AFF3: variants seen among roughly 807,000 people sequenced by gnomAD.
AFF3 encodes the protein ALF transcription elongation factor 3, also known as AF4/FMR2 family member 3.
A neutral mutation model predicts 129.7 loss-of-function variants in AFF3; 32 were observed. That is an observed-to-expected ratio of 0.25 (90% CI 0.19 to 0.33). AFF3 has a LOEUF of 0.33. Among genes scored for constraint, AFF3 ranks in the 10% least tolerant of loss-of-function variants. The pLI, the probability that AFF3 is intolerant of heterozygous loss-of-function variation, is 1.00. For missense variants in AFF3, 1,373 were observed against 1,592.0 expected, an observed-to-expected ratio of 0.86 and a Z score of 2.34; for synonymous variants, 644 against 635.4, an observed-to-expected ratio of 1.01 and a Z score of -0.20.
At chr2:99,645,592 C>T (rs973648778) in intron 13 of AFF3, among the ~76,000 whole-genome samples, 2 of 152,146 alleles carry the variant, frequency 1.3e-5, no homozygotes, top group Non-Finnish European at 2.9e-5. Context: ...CCAAACTCCC[C>T]TTCTGCTTGC....
At chr2:100,061,198 T>C (rs1687242905) in intron 4 of AFF3, among the ~76,000 whole-genome samples, 1 of 152,182 alleles carries the variant, frequency 6.6e-6, no homozygotes, top group South Asian at 2.1e-4. Context: ...TAGTGTGATG[T>C]TTGAAGCTAA....
chr2:100,060,848 T>C (rs1440661470), intron 4 of AFF3, among the ~76,000 whole-genome samples: 3 of 152,178 alleles, frequency 2.0e-5, no homozygotes, highest in Non-Finnish European at 4.4e-5. Flanking sequence ...CTTAATGTCC[T>C]TTTCTGTCCC....
intron 1 of AFF3, among the ~76,000 whole-genome samples, chr2:100,140,639 C>T (rs1317386995): frequency 6.6e-6 from 1 of 152,204 alleles, no homozygotes; most frequent in African/African-American, 2.4e-5. Context: ...CTGAGAGGCA[C>T]TGAATGCATG....
At chr2:99,778,266 TG>T (rs1684102463) in intron 8 of AFF3, among the ~76,000 whole-genome samples, 1 of 152,226 alleles carries the variant, frequency 6.6e-6, no homozygotes, top group Admixed American at 6.5e-5. Flanking sequence ...CCTTCAGGTC[TG>T]TGGCTTTCCC....
intron 8 of AFF3, among the ~76,000 whole-genome samples, chr2:99,764,670 A>G (rs1428757129): frequency 6.6e-6 from 1 of 152,110 alleles, no homozygotes. Flanking sequence ...TGAGCATTGC[A>G]TTAAAATATT....
At chr2:99,955,537 C>G (rs759821286) in intron 7 of AFF3, among the ~76,000 whole-genome samples, 41 of 152,286 alleles carry the variant, frequency 2.7e-4, no homozygotes, top group Non-Finnish European at 4.9e-4. Context: ...GCTTAGGACT[C>G]TGCTATATTT....
At chr2:99,697,450 A>T (rs1354694704) in intron 11 of AFF3, among the ~76,000 whole-genome samples, 1 of 152,238 alleles carries the variant, frequency 6.6e-6, no homozygotes, top group African/African-American at 2.4e-5. Context: ...CAGAGTTTTT[A>T]CAGAGAAAAA....
Position 99,546,180 on chromosome 2 carries a change from T to C in AFF3, c.*5294A>G, listed in dbSNP as rs543087044. The stretch of plus-strand genomic sequence containing the variant: ...GAAAATGTATTACTTTTTACAAATA[T>C]AATTCTTATAGGGACAGACTTCAGC... On this transcript the variant is annotated 3_prime_UTR_variant, in exon 25 of 25. Coordinates refer to ENST00000672756, the MANE Select transcript of AFF3 (RefSeq NM_001386135.1). 2.9e-4 allele frequency: 67 copies of C among 230,542 alleles called. No individual in the cohort carries two copies. In the South Asian group the frequency reaches 4.4e-3, roughly 15 times the overall value. 14.3% of individuals were successfully genotyped at this position (230,542 alleles called of 1,614,324 possible). A position where few individuals can be genotyped will look rare whatever the true frequency, so the allele number is the denominator to read the frequency against.
chr2:100,001,497 C>T (rs1467722527), intron 7 of AFF3, among the ~76,000 whole-genome samples: 6 of 152,186 alleles, frequency 3.9e-5, no homozygotes, highest in Non-Finnish European at 7.3e-5. Context: ...GGCATGATCT[C>T]GTCTCACCGC....
intron 11 of AFF3, among the ~76,000 whole-genome samples, chr2:99,684,300 C>T (rs1237574381): frequency 6.6e-6 from 1 of 152,208 alleles, no homozygotes; most frequent in African/African-American, 2.4e-5. Flanking sequence ...CCAAGATGAC[C>T]ATCTGGCTCC....
intron 22 of AFF3, among the ~76,000 whole-genome samples, chr2:99,557,030 T>C (rs1257186274): frequency 6.6e-6 from 1 of 152,150 alleles, no homozygotes; most frequent in East Asian, 1.9e-4. Context: ...ATAGTATACT[T>C]GAAAATCTCT....
At chr2:99,751,672 T>C (rs1375473619) in intron 9 of AFF3, among the ~76,000 whole-genome samples, 1 of 152,192 alleles carries the variant, frequency 6.6e-6, no homozygotes, top group Non-Finnish European at 1.5e-5. Context: ...TGTCAGTTAT[T>C]CAAATCAAAG....
chr2:99,821,599 G>C lies in AFF3; in HGVS notation c.921+15878C>G, dbSNP rs545467472. Among the ~76,000 whole-genome samples the C allele has an allele frequency of 2.0e-5, 3 of 152,334 alleles. No homozygotes were observed. The East Asian group carries it at 5.8e-4, about 29-fold the overall frequency. ...TGGGCTGCATGCAGCCCGCAGATTG[G>C]ACCAGCTTGGTATAGTCAATACATA... is the stretch of plus-strand genomic sequence containing the variant. On this transcript the variant is annotated intron_variant, in intron 8 of 24. Coordinates refer to ENST00000672756, the MANE Select transcript of AFF3 (RefSeq NM_001386135.1).
At chr2:100,078,944 CT>C (rs35031023) in intron 4 of AFF3, among the ~76,000 whole-genome samples, 5,227 of 131,108 alleles carry the variant, frequency 0.04, 87 homozygotes, top group African/African-American at 0.077. Flanking sequence ...TGAATATTTT[CT>C]TTTTTTTTTT....
intron 4 of AFF3, among the ~76,000 whole-genome samples, chr2:100,042,407 A>G (rs924728430): frequency 1.2e-4 from 18 of 152,180 alleles, no homozygotes; most frequent in African/African-American, 3.9e-4. Flanking sequence ...CCACAAATAT[A>G]TAAGCTCCAA....
intron 7 of AFF3, among the ~76,000 whole-genome samples, chr2:99,857,809 G>A (rs963739767): frequency 2.0e-5 from 3 of 152,142 alleles, no homozygotes; most frequent in Admixed American, 2.0e-4. Context: ...AGTTAGGGAA[G>A]TCCTTCTCCT....
intron 9 of AFF3, among the ~76,000 whole-genome samples, chr2:99,751,999 T>C (rs1681698088): frequency 6.6e-6 from 1 of 152,222 alleles, no homozygotes; most frequent in African/African-American, 2.4e-5. Flanking sequence ...ATTACAGTAG[T>C]ATCACATTTT....
intron 7 of AFF3, among the ~76,000 whole-genome samples, chr2:99,869,197 C>T (rs1261227015): frequency 6.6e-6 from 1 of 152,166 alleles, no homozygotes; most frequent in Non-Finnish European, 1.5e-5. Context: ...CCAAAAAAAT[C>T]TGACACCAAG....
At chr2:99,787,888 C>G (rs1017471885) in intron 8 of AFF3, among the ~76,000 whole-genome samples, 1 of 152,144 alleles carries the variant, frequency 6.6e-6, no homozygotes, top group African/African-American at 2.4e-5. Flanking sequence ...CAGAACTAGA[C>G]AGCATATATG....
Sources: allele counts gnomAD v4.1 joint callset (sites outside exome capture counted in the v4.1 genomes callset), GRCh38; gene constraint gnomAD v4.1.1; transcripts MANE v1.5; gene names NCBI Gene and HGNC (gene_info 2026-07-23, HGNC 2026-07-21).